The following NBPF8 variants were observed in gnomAD, a reference collection of about 807,000 sequenced individuals.
NBPF8 encodes the protein NBPF member 8.
At chr1:120,430,345 A>G (rs1660841350) in intron 3 of NBPF8, among the ~76,000 whole-genome samples, 2 of 142,374 alleles carry the variant, frequency 1.4e-5, no homozygotes, top group African/African-American at 5.4e-5. Flanking sequence ...GCAGAATGTA[A>G]GCTCTCAATA....
chr1:120,434,389 A>G (rs1661011024), upstream of NBPF8, among the ~76,000 whole-genome samples: 1 of 146,898 alleles, frequency 6.8e-6, no homozygotes. Context: ...ATATGTATAT[A>G]TAATATATAT....
intron 3 of NBPF8, among the ~76,000 whole-genome samples, chr1:120,429,198 C>T (rs1660802886): frequency 6.6e-6 from 1 of 152,134 alleles, no homozygotes; most frequent in Admixed American, 6.6e-5. Context: ...CCTCTCCCTC[C>T]CTGCTCTGGC....
chr1:120,468,952 T>A (rs1661829516), downstream of NBPF8, among the ~76,000 whole-genome samples: 2 of 152,224 alleles, frequency 1.3e-5, no homozygotes, highest in African/African-American at 4.8e-5. Context: ...AGGGGCAGGA[T>A]TATGGGTGAG....
At chr1:120,466,107 C>T in exon 25 of NBPF8, 2 of 1,607,744 alleles carry the variant, frequency 1.2e-6, no homozygotes, top group Non-Finnish European at 1.7e-6. Flanking sequence ...GTGTGTTTTA[C>T]TCATTTGAGG....
chr1:120,415,753 G>A (rs1320740574), upstream of NBPF8, among the ~76,000 whole-genome samples: 22 of 152,346 alleles, frequency 1.4e-4, no homozygotes, highest in African/African-American at 5.0e-4. Context: ...CACATGAGGC[G>A]CGTTTGTAGC....
rs1230221404 is a variant in NBPF8 at position 120,459,741 on chromosome 1, G to A, written n.2784+211G>A. On this transcript the variant is annotated intron_variant and non_coding_transcript_variant, in intron 17 of 24. Transcript: ENST00000583271. ...AGCTTTGCTCTCTTCCTAGTCTCACGCCATGCCCGTGCCAACCTGGACTGA... is the reference window on the plus strand; with the variant it reads ...AGCTTTGCTCTCTTCCTAGTCTCACACCATGCCCGTGCCAACCTGGACTGA... Among the ~76,000 whole-genome samples the A allele has an allele frequency of 9.5e-3, 1,443 of 152,278 alleles. 23 individuals are homozygous for A. The highest frequency in any genetic ancestry group is 0.033 in the African/African-American group (1,372 of 41,542).
intron 15 of NBPF8, among the ~76,000 whole-genome samples, chr1:120,454,435 A>G (rs1465503820): frequency 1.3e-5 from 2 of 151,824 alleles, no homozygotes; most frequent in Non-Finnish European, 2.9e-5. Context: ...CTGTCCCTGA[A>G]CAATGTCCAT....
intron 3 of NBPF8, among the ~76,000 whole-genome samples, chr1:120,429,843 A>G (rs1428213071): frequency 5.5e-5 from 8 of 145,416 alleles, no homozygotes; most frequent in Admixed American, 6.9e-5. Context: ...CTGGGATTAC[A>G]GGCGTGAGCC....
chr1:120,467,855 G>A (rs1553250920), downstream of NBPF8: 2 of 151,772 alleles, frequency 1.3e-5, no homozygotes, highest in Admixed American at 6.6e-5. Context: ...TGTTTATTTT[G>A]TAATCTCTTC....
chr1:120,435,742 T>C (rs1661055059), upstream of NBPF8, among the ~76,000 whole-genome samples: 1 of 151,160 alleles, frequency 6.6e-6, no homozygotes. Flanking sequence ...GGCGGGCGCC[T>C]GTATTCCCAG....
intron 1 of NBPF8, among the ~76,000 whole-genome samples, 95 bp downstream of exon 2, chr1:120,420,213 C>T (rs1408606873): frequency 2.6e-5 from 4 of 151,906 alleles, no homozygotes; most frequent in Non-Finnish European, 5.9e-5. Context: ...GGGCCCTAAA[C>T]ATCGCAGGGC....
intron 1 of NBPF8, among the ~76,000 whole-genome samples, chr1:120,420,474 A>C: frequency 4.3e-5 from 6 of 140,058 alleles, no homozygotes; most frequent in Admixed American, 7.2e-5. Flanking sequence ...GTCCCCTTTC[A>C]CCTGCTTTCT....
chr1:120,435,592 C>T (rs1661046820), upstream of NBPF8, among the ~76,000 whole-genome samples: 1 of 145,904 alleles, frequency 6.9e-6, no homozygotes, highest in South Asian at 2.2e-4. Flanking sequence ...GCCTGTAATC[C>T]CAGTACTTTG....
intron 12 of NBPF8, 113 bp from the exon 11 acceptor site, chr1:120,452,004 C>A: frequency 1.7e-6 from 2 of 1,175,374 alleles, no homozygotes; most frequent in East Asian, 4.6e-5. Context: ...CATGTGCTGA[C>A]CTTCTGTTTC....
Position 120,428,782 on chromosome 1 carries a change from C to G in NBPF8, n.510+935C>G, listed in dbSNP as rs1570929328. 1.1e-4 allele frequency among the ~76,000 whole-genome samples: 16 copies of G among 148,770 alleles called. No individual in the cohort carries two copies. The East Asian group carries it at 3.1e-3, about 29-fold the overall frequency. ...CAACCCATAACTGAGCGAGGCTGTACCAGCCCCAATGCCATGTAGCACTTT... is the reference window on the plus strand; with the variant it reads ...CAACCCATAACTGAGCGAGGCTGTAGCAGCCCCAATGCCATGTAGCACTTT... On this transcript the variant is annotated intron_variant and non_coding_transcript_variant, in intron 3 of 28. Transcript: ENST00000652355.
In NBPF8 at chr1:120,459,757, C is replaced by T. The variant is rs1570943698; in HGVS notation, n.2784+227C>T. Among the ~76,000 whole-genome samples, 9 of 152,358 alleles carry T rather than the reference C, an allele frequency of 5.9e-5. No individual in the cohort carries two copies. In the South Asian group the frequency reaches 1.9e-3, roughly 32 times the overall value. ...TAGTCTCACGCCATGCCCGTGCCAA[C>T]CTGGACTGACTGTCACGATATTGAA... is the stretch of plus-strand genomic sequence containing the variant. On this transcript the variant is annotated intron_variant and non_coding_transcript_variant, in intron 17 of 24. Transcript: ENST00000583271.
At chr1:120,464,138 T>TCA (rs1207085218) in intron 22 of NBPF8, among the ~76,000 whole-genome samples, 4 of 58,664 alleles carry the variant, frequency 6.8e-5, no homozygotes, top group African/African-American at 3.2e-4. Context: ...TCTCTCTGTG[T>TCA]GTGTGTGTGT....
intron 1 of NBPF8, among the ~76,000 whole-genome samples, chr1:120,425,160 C>T (rs2101500899): frequency 6.6e-6 from 1 of 152,214 alleles, no homozygotes; most frequent in South Asian, 2.1e-4. Flanking sequence ...GTCCCCCAGC[C>T]AGACACCCGT....
chr1:120,417,820 C>T (rs1660471699), upstream of NBPF8, among the ~76,000 whole-genome samples: 3 of 146,284 alleles, frequency 2.1e-5, no homozygotes, highest in African/African-American at 2.6e-5. Context: ...AGGTTGGTCT[C>T]AAACTCTTGG....
Sources: gnomAD v4.1 joint callset for allele counts (sites outside exome capture counted in the v4.1 genomes callset) on GRCh38, gnomAD v4.1.1 for gene constraint, MANE v1.5 for transcripts, NCBI Gene and HGNC (gene_info 2026-07-23, HGNC 2026-07-21) for gene names.